The following VTI1A variants were observed in gnomAD, a reference collection of about 807,000 sequenced individuals.
VTI1A encodes vesicle transport through interaction with t-SNAREs 1A, also known as vesicle transport through interaction with t-SNAREs homolog 1A.
Under a neutral mutation model 34.9 loss-of-function variants are expected in VTI1A, and 22 were observed. The observed-to-expected ratio is 0.63, with a 90% CI of 0.45 to 0.90. VTI1A has a LOEUF of 0.90. VTI1A is among the 40% of genes least tolerant of loss of function. The probability of loss-of-function intolerance (pLI) is 0.00; values close to 1 mark genes in which losing one functional copy is unlikely to be tolerated. For missense variants in VTI1A, 268 were observed against 275.6 expected, an observed-to-expected ratio of 0.97 and a Z score of 0.20; for synonymous variants, 87 against 97.3, an observed-to-expected ratio of 0.89 and a Z score of 0.62.
chr10:112,642,021 T>C (rs1361444329), intron 5 of VTI1A, among the ~76,000 whole-genome samples: 4 of 152,198 alleles, frequency 2.6e-5, no homozygotes, highest in African/African-American at 9.6e-5. Context: ...CAAGTTAACA[T>C]GTATTGCATT....
chr10:112,565,578 C>T (rs1262731490), intron 5 of VTI1A, among the ~76,000 whole-genome samples: 1 of 151,948 alleles, frequency 6.6e-6, no homozygotes. Context: ...ATTTTTAAAC[C>T]CTTATTTACA....
At chr10:112,460,873 C>G (rs1178322024) in intron 2 of VTI1A, among the ~76,000 whole-genome samples, 2 of 152,186 alleles carry the variant, frequency 1.3e-5, no homozygotes, top group Admixed American at 1.3e-4. Flanking sequence ...GGGTACCAGA[C>G]ACTGGATTAA....
chr10:112,814,142 T>G (rs551942055), intron 7 of VTI1A, among the ~76,000 whole-genome samples: 1 of 152,282 alleles, frequency 6.6e-6, no homozygotes, highest in Non-Finnish European at 1.5e-5. Context: ...GATTTTTTTG[T>G]GTGTGAAGAT....
chr10:112,511,305 A>G (rs1201290625), intron 3 of VTI1A, among the ~76,000 whole-genome samples: 1 of 148,718 alleles, frequency 6.7e-6, no homozygotes, highest in East Asian at 2.0e-4. Flanking sequence ...GTGCAGTGGC[A>G]TGATCTCGGC....
chr10:112,819,279 T>G (rs1008478472), downstream of VTI1A, among the ~76,000 whole-genome samples: 1 of 152,188 alleles, frequency 6.6e-6, no homozygotes, highest in African/African-American at 2.4e-5. Context: ...GCTAGCCTAG[T>G]GAGGCACTCC....
intron 4 of VTI1A, among the ~76,000 whole-genome samples, chr10:112,527,981 T>G (rs1306121231): frequency 2.6e-5 from 4 of 152,072 alleles, no homozygotes; most frequent in African/African-American, 9.7e-5. Context: ...ACTTTAAAAA[T>G]GCCTCAAAAA....
intron 4 of VTI1A, among the ~76,000 whole-genome samples, chr10:112,527,685 C>A (rs1210740688): frequency 6.7e-6 from 1 of 149,524 alleles, no homozygotes; most frequent in Non-Finnish European, 1.5e-5. Context: ...TACAGAGGAA[C>A]TGCTTCTGTC....
In VTI1A at chr10:112,795,153, T is replaced by C. The variant is rs1440719995; in HGVS notation, c.561-20137T>C. Among the ~76,000 whole-genome samples the C allele has an allele frequency of 6.6e-5, 10 of 152,324 alleles. No individual in the cohort carries two copies. The East Asian group carries it at 1.7e-3, about 26-fold the overall frequency. On this transcript the variant is annotated intron_variant, in intron 7 of 7. Coordinates refer to ENST00000393077, the MANE Select transcript of VTI1A (RefSeq NM_145206.4). The stretch of plus-strand genomic sequence containing the variant: ...AGCAAGACATTCTGTGACTTGTTAT[T>C]TTCCTCACTGTTGTATTGCATGTGG...
chr10:112,562,025 T>A (rs1851740370), intron 5 of VTI1A, among the ~76,000 whole-genome samples: 1 of 152,208 alleles, frequency 6.6e-6, no homozygotes, highest in Non-Finnish European at 1.5e-5. Context: ...TTTTATTTCA[T>A]AAAAGCCAAA....
At chr10:112,735,746 G>A (rs560052467) in intron 7 of VTI1A, among the ~76,000 whole-genome samples, 2 of 152,052 alleles carry the variant, frequency 1.3e-5, no homozygotes, top group South Asian at 2.1e-4. Flanking sequence ...TTGGCTTTTC[G>A]ATTAAATACC....
chr10:112,772,730 G>A (rs974574305), intron 7 of VTI1A, among the ~76,000 whole-genome samples: 21 of 152,284 alleles, frequency 1.4e-4, no homozygotes, highest in African/African-American at 4.8e-4. Flanking sequence ...TGTGAGGTAA[G>A]GTTCCAACTG....
intron 5 of VTI1A, among the ~76,000 whole-genome samples, chr10:112,624,075 G>A (rs536358594): frequency 1.1e-4 from 16 of 152,300 alleles, no homozygotes; most frequent in African/African-American, 3.8e-4. Context: ...TATGAACTTA[G>A]GGGCTCAGGA....
At chr10:112,724,481 A>G (rs1194355335) in intron 7 of VTI1A, among the ~76,000 whole-genome samples, 1 of 152,012 alleles carries the variant, frequency 6.6e-6, no homozygotes, top group Admixed American at 6.6e-5. Flanking sequence ...TCCAGGGTAG[A>G]TCCTGGAAGG....
At chr10:112,612,050 G>T (rs1845336751) in intron 5 of VTI1A, among the ~76,000 whole-genome samples, 1 of 151,838 alleles carries the variant, frequency 6.6e-6, no homozygotes, top group Non-Finnish European at 1.5e-5. Flanking sequence ...CTTGAGAAAG[G>T]TAATTATTAG....
intron 5 of VTI1A, among the ~76,000 whole-genome samples, chr10:112,554,181 T>A (rs1341864960): frequency 1.3e-5 from 2 of 152,224 alleles, no homozygotes. Context: ...ATAATTCTGC[T>A]GTGTGTGTTT....
chr10:112,669,085 A>G (rs1286194591), intron 7 of VTI1A, 87 bp downstream of exon 7: 5 of 1,489,130 alleles, frequency 3.4e-6, no homozygotes, highest in Admixed American at 1.7e-5. Context: ...GGCATATTAC[A>G]TGCTTTTGAG....
At chr10:112,498,710 A>C (rs1849115374) in intron 3 of VTI1A, among the ~76,000 whole-genome samples, 1 of 152,244 alleles carries the variant, frequency 6.6e-6, no homozygotes. Context: ...AATGAAATAA[A>C]GATTGAGTGG....
At chr10:112,589,544 A>G (rs1844302159) in intron 5 of VTI1A, among the ~76,000 whole-genome samples, 1 of 152,172 alleles carries the variant, frequency 6.6e-6, no homozygotes, top group Non-Finnish European at 1.5e-5. Flanking sequence ...AATACAGGGG[A>G]AAAAAGGAGG....
At chr10:112,782,329 G>A (rs1852155708) in intron 7 of VTI1A, among the ~76,000 whole-genome samples, 3 of 152,358 alleles carry the variant, frequency 2.0e-5, no homozygotes, top group Non-Finnish European at 2.9e-5. Flanking sequence ...CGACTTGGAG[G>A]CCACACTGGA....
Sources: gnomAD v4.1 joint callset for allele counts (sites outside exome capture counted in the v4.1 genomes callset) on GRCh38, gnomAD v4.1.1 for gene constraint, MANE v1.5 for transcripts, NCBI Gene and HGNC (gene_info 2026-07-23, HGNC 2026-07-21) for gene names.